Variants in NINL observed in about 807,000 individuals in gnomAD.
The protein encoded by NINL is ninein-like protein.
A neutral mutation model predicts 160.3 loss-of-function variants in NINL; 153 were observed. That is an observed-to-expected ratio of 0.95 (90% CI 0.84 to 1.09). The LOEUF (loss-of-function observed/expected upper bound fraction) is 1.09. NINL is among the 50% of genes least tolerant of loss of function. NINL has a pLI of 0.00. For missense variants in NINL, 1,829 were observed against 1,764.0 expected (o/e 1.04, Z -0.66); for synonymous variants, 800 against 734.8 (o/e 1.09, Z -1.43).
rs780603783 is a variant in NINL, at chr20:25,482,045, C to T, written c.1733G>A (p.Arg578Gln). ...GGGGCTGTGCCGGTTCTTGGGCAGC[C>T]GCGCCCACAGGCCTTCCAGCTCAGC... ...LQAELEGLWA[R>Q]LPKNRHSPSW... Residue 578 changes from arginine (R) to glutamine (Q), a missense_variant, in exon 14 of 24, where the codon CGG becomes CAG. By Grantham distance (43) the Arg-to-Gln change is conservative (BLOSUM62 1). Transcript: ENST00000278886. The T allele has an allele frequency of 1.7e-5, 27 of 1,598,492 alleles. 1 individual carries two copies. The highest frequency in any genetic ancestry group is 3.3e-5 in the South Asian group (3 of 91,044).
At chr20:25,524,988 C>T (rs971732350) in intron 2 of NINL, among the ~76,000 whole-genome samples, 2 of 150,104 alleles carry the variant, frequency 1.3e-5, no homozygotes, top group African/African-American at 4.9e-5. Context: ...GCTTAAATAA[C>T]CAGAGCGTTG....
At chr20:25,508,730 C>T (rs1356874922) in intron 5 of NINL, among the ~76,000 whole-genome samples, 1 of 152,252 alleles carries the variant, frequency 6.6e-6, no homozygotes, top group African/African-American at 2.4e-5. Flanking sequence ...CCTCTCCTCC[C>T]CAGTCACCTG....
chr20:25,468,753 C>T (rs530057053), intron 18 of NINL, among the ~76,000 whole-genome samples: 5 of 145,216 alleles, frequency 3.4e-5, no homozygotes, highest in South Asian at 2.2e-4. Flanking sequence ...CCTGCCCTGT[C>T]CCCCGACTCT....
In NINL at chr20:25,476,883, G is replaced by A. The variant is rs1200736005; in HGVS notation, c.2408C>T (p.Ala803Val). The change falls in exon 17 of 24, where the codon GCC (alanine) becomes GTC (valine). Residue 803 changes from alanine to valine, a missense_variant. Ala to Val is a moderately conservative substitution (Grantham distance 64). Coordinates refer to ENST00000278886, the MANE Select transcript of NINL (RefSeq NM_025176.6). ...EKRAQMCVSL[A>V]LEEEELELAR... is the part of the protein sequence containing the mutation. ...AAGCTCCAACTCCTCCTCCTCGAGG[G>A]CCAACGATACGCACATCTGGGCGCG... is the stretch of plus-strand genomic sequence containing the variant. The A allele has an allele frequency of 1.9e-6, 3 of 1,613,294 alleles. No homozygotes were observed. Among genetic ancestry groups the A allele is most frequent in the East Asian group, 4.5e-5 (2 of 44,868 alleles).
intron 1 of NINL, among the ~76,000 whole-genome samples, chr20:25,566,109 C>T (rs1281181327): frequency 6.6e-6 from 1 of 152,224 alleles, no homozygotes; most frequent in Non-Finnish European, 1.5e-5. Context: ...TCTCCTAACA[C>T]ATCCCCTCTC....
chr20:25,552,066 G>A (rs1019506816), intron 1 of NINL, among the ~76,000 whole-genome samples: 29 of 152,168 alleles, frequency 1.9e-4, no homozygotes, highest in South Asian at 2.1e-4. Flanking sequence ...TTACAGCTCT[G>A]TTTGGGGAAA....
At chr20:25,502,116 G>C (rs1473985784) in intron 7 of NINL, among the ~76,000 whole-genome samples, 2 of 152,222 alleles carry the variant, frequency 1.3e-5, no homozygotes, top group African/African-American at 2.4e-5. Flanking sequence ...TGAGTAGCTG[G>C]GATTACACAT....
chr20:25,514,488 G>A (rs1391019368), intron 3 of NINL, among the ~76,000 whole-genome samples: 2 of 152,242 alleles, frequency 1.3e-5, no homozygotes, highest in Non-Finnish European at 2.9e-5. Context: ...TTGCAGCCTG[G>A]CCATGTGGTA....
chr20:25,469,157 G>A (rs2063017869), intron 18 of NINL, among the ~76,000 whole-genome samples: 1 of 135,182 alleles, frequency 7.4e-6, no homozygotes, highest in Admixed American at 7.4e-5. Context: ...CCACTGCCCT[G>A]TCCCTCGACT....
intron 10 of NINL, among the ~76,000 whole-genome samples, chr20:25,494,345 T>G (rs1405513740): frequency 6.9e-6 from 1 of 144,296 alleles, no homozygotes; most frequent in Non-Finnish European, 1.5e-5. Flanking sequence ...TGGCACCACA[T>G]GAGTCCCACA....
intron 1 of NINL, among the ~76,000 whole-genome samples, chr20:25,541,037 T>C (rs975449978): frequency 5.3e-5 from 8 of 152,178 alleles, no homozygotes; most frequent in Non-Finnish European, 1.0e-4. Flanking sequence ...ATACTTACTT[T>C]CCCTACAAAG....
At chr20:25,496,585 A>G in intron 10 of NINL, 78 bp downstream of exon 10, 1 of 1,552,546 alleles carries the variant, frequency 6.4e-7, no homozygotes, top group South Asian at 1.2e-5. Flanking sequence ...GGCCCCTGGC[A>G]GCCCTGTGTC....
At chr20:25,531,265 C>T (rs2064455137) in intron 1 of NINL, among the ~76,000 whole-genome samples, 2 of 152,102 alleles carry the variant, frequency 1.3e-5, no homozygotes, top group African/African-American at 4.8e-5. Context: ...TTCACGGTGC[C>T]CAGATTTCAT....
intron 5 of NINL, among the ~76,000 whole-genome samples, chr20:25,505,538 C>T (rs890993415): frequency 7.9e-5 from 12 of 152,206 alleles, no homozygotes; most frequent in Non-Finnish European, 1.3e-4. Flanking sequence ...TCACAATGTA[C>T]ACATGTCTCA....
At chr20:25,515,985 A>T (rs2064153802) in intron 3 of NINL, among the ~76,000 whole-genome samples, 1 of 151,990 alleles carries the variant, frequency 6.6e-6, no homozygotes, top group Non-Finnish European at 1.5e-5. Flanking sequence ...CCATGTTACC[A>T]GGATGGTCTC....
intron 10 of NINL, among the ~76,000 whole-genome samples, chr20:25,493,589 GAGCTATGAGAACGTCTTA>G (rs1330964647): frequency 2.0e-5 from 3 of 152,146 alleles, no homozygotes; most frequent in Non-Finnish European, 4.4e-5. Flanking sequence ...GGAAGGCAGG[GAGCTATGAGAACGTCTTA>G]AGCAACAAAG....
chr20:25,533,276 G>A (rs1327274468), intron 1 of NINL, among the ~76,000 whole-genome samples: 1 of 152,114 alleles, frequency 6.6e-6, no homozygotes, highest in Non-Finnish European at 1.5e-5. Context: ...TAATGAAGGG[G>A]CTGAGCCCAA....
intron 1 of NINL, among the ~76,000 whole-genome samples, chr20:25,562,496 C>T (rs1301054182): frequency 1.6e-5 from 2 of 126,774 alleles, no homozygotes; most frequent in Non-Finnish European, 3.3e-5. Flanking sequence ...TGACCTTACC[C>T]CCAACCCTGT....
Position 25,547,717 on chromosome 20 carries a change from T to C in NINL, c.-11-21119A>G, listed in dbSNP as rs577639762. On this transcript the variant is annotated intron_variant, in intron 1 of 23. Transcript: ENST00000278886. ...CTTGATTACCTCTTTAAAGAACCTG[T>C]CTCCAAATACAATCACATTCTGAGG... 4.1e-4 allele frequency among the ~76,000 whole-genome samples: 62 copies of C among 152,274 alleles called. 1 individual carries two copies. The South Asian group carries it at 0.01, about 25-fold the overall frequency.
Sources: gnomAD v4.1 joint callset for allele counts (sites outside exome capture counted in the v4.1 genomes callset) on GRCh38, gnomAD v4.1.1 for gene constraint, MANE v1.5 for transcripts, NCBI Gene and HGNC (gene_info 2026-07-23, HGNC 2026-07-21) for gene names.